The following SENP5 variants were observed in gnomAD, a reference collection of about 807,000 sequenced individuals.
The protein encoded by SENP5 is SUMO specific peptidase 5.
SENP5 carries 21 observed loss-of-function variants against 74.2 expected under a neutral mutation model. The observed-to-expected ratio is 0.28, with a 90% CI of 0.20 to 0.41. SENP5 has a LOEUF of 0.41. SENP5 is among the 10% of genes least tolerant of loss of function. SENP5 has a pLI of 1.00. For synonymous variants in SENP5, 311 were observed against 312.7 expected, an observed-to-expected ratio of 0.99 and a Z score of 0.06; for missense variants, 717 against 889.1, an observed-to-expected ratio of 0.81 and a Z score of 2.46.
At position 196,885,946 on chromosome 3, in the gene SENP5, C is replaced by G. The variant is rs1291138830; in HGVS notation, c.765C>G (p.Ser255Arg). 1.2e-6 allele frequency: 2 copies of G among 1,614,048 alleles called. No homozygotes were observed. The highest frequency in any genetic ancestry group is 2.2e-5 in the East Asian group (1 of 44,890). ...ILRSQHFRTKSKVCKLRKAQR... is the reference protein window; with the variant it reads ...ILRSQHFRTKRKVCKLRKAQR... ...GATCCCAGCACTTCAGAACCAAAAG[C>G]AAGGTTTGCAAGCTAAGAAAAGCCC... The change falls in exon 2 of 10, where the codon AGC (serine) becomes AGG (arginine). Residue 255 changes from serine (S) to arginine (R), a missense_variant. Ser to Arg is a moderately radical substitution (Grantham distance 110). This residue lies in a region of SENP5 where 567 missense variants were observed against 577.4 expected (regional missense o/e 0.98). Transcript: ENST00000323460.
At position 196,933,020 on chromosome 3, in the gene SENP5, G is replaced by GTTTTTTTTTTTTTTTTTT. The variant is rs71161976; in HGVS notation, c.*2112_*2113insTTTTTTTTTTTTTTTTTT. 1.7e-5 allele frequency: 2 copies of GTTTTTTTTTTTTTTTTTT among 121,132 alleles called. No individual in the cohort carries two copies. The highest frequency in any genetic ancestry group is 2.5e-4 in the South Asian group (1 of 4,056). The allele number at this position is 121,132 out of a possible 1,614,324, so 7.5% of individuals were successfully genotyped here. ...ACTAAATGTTGAGTTTGGGTTTTTT[G>GTTTTTTTTTTTTTTTTTT]TTTTTTTTTTTTTTTGAGTCAGAGT... is the stretch of plus-strand genomic sequence containing the variant. On this transcript the variant is annotated 3_prime_UTR_variant, in exon 10 of 10. Coordinates refer to ENST00000323460, the MANE Select transcript of SENP5 (RefSeq NM_152699.5).
intron 1 of SENP5, among the ~76,000 whole-genome samples, chr3:196,871,676 G>C (rs1258341647): frequency 1.3e-5 from 2 of 151,936 alleles, no homozygotes; most frequent in African/African-American, 4.8e-5. Flanking sequence ...CCAACATAAT[G>C]AGACCCCATC....
chr3:196,895,190 CTTT>C (rs35820067), intron 2 of SENP5, among the ~76,000 whole-genome samples: 86 of 123,046 alleles, frequency 7.0e-4, no homozygotes, highest in Non-Finnish European at 1.0e-3. Flanking sequence ...CTTTTAACTT[CTTT>C]TTTTTTTTTT....
chr3:196,881,442 C>T (rs2108812393), intron 1 of SENP5, among the ~76,000 whole-genome samples: 1 of 152,206 alleles, frequency 6.6e-6, no homozygotes, highest in South Asian at 2.1e-4. Flanking sequence ...TTGTAGTCCT[C>T]CTAACAAAGT....
intron 6 of SENP5, chr3:196,912,987 G>T (rs558714447): frequency 6.6e-6 from 1 of 152,294 alleles, no homozygotes; most frequent in Admixed American, 6.5e-5. Flanking sequence ...AAGGTGAGAA[G>T]CAAATTGTGT....
chr3:196,884,409 C>T (rs1713858315), intron 1 of SENP5, among the ~76,000 whole-genome samples: 1 of 152,330 alleles, frequency 6.6e-6, no homozygotes, highest in East Asian at 1.9e-4. Flanking sequence ...ACAATAACTT[C>T]CCCTCAGGAT....
rs149511045 is a variant in SENP5 at position 196,886,538 on chromosome 3, C to T, written c.1357C>T (p.Leu453Phe). 2,502 of 1,613,808 alleles carry T rather than the reference C, an allele frequency of 1.6e-3. 7 individuals are homozygous for T. Among genetic ancestry groups the T allele is most frequent in the Non-Finnish European group, 2.0e-3 (2,374 of 1,179,826 alleles). Residue 453 changes from leucine (L) to phenylalanine (F), a missense_variant, in exon 2 of 10, where the codon CTT (leucine) becomes TTT (phenylalanine). Transcript: ENST00000323460. The part of the protein sequence containing the change: ...EEDGSLKQSI[L>F]SSELLDHPYC... ...GGATGGATCTCTCAAGCAGAGCATT[C>T]TTAGTTCTGAGTTGCTGGACCACCC...
intron 1 of SENP5, among the ~76,000 whole-genome samples, chr3:196,875,934 AG>A (rs1169814220): frequency 6.6e-6 from 1 of 152,008 alleles, no homozygotes; most frequent in Non-Finnish European, 1.5e-5. Flanking sequence ...TTGCCCAGGC[AG>A]GTGATCTTGA....
intron 9 of SENP5, among the ~76,000 whole-genome samples, chr3:196,930,254 T>A (rs35019232): frequency 0.036 from 5,420 of 152,258 alleles, 134 homozygotes; most frequent in Non-Finnish European, 0.051. Context: ...TATAAACAAA[T>A]TCAAGTTCCC....
intron 8 of SENP5, among the ~76,000 whole-genome samples, chr3:196,928,679 A>G (rs1014456174): frequency 6.6e-6 from 1 of 152,138 alleles, no homozygotes; most frequent in East Asian, 1.9e-4. Context: ...CCCAAACCCA[A>G]AGAGACAAGA....
In SENP5 at chr3:196,879,249, G is replaced by GCTAACAACA. The variant is rs1188007765; in HGVS notation, c.-31-5902_-31-5901insCTAACAACA. 5.9e-5 allele frequency among the ~76,000 whole-genome samples: 9 copies of GCTAACAACA among 152,306 alleles called. No homozygotes were observed. The East Asian group carries it at 1.7e-3, about 29-fold the overall frequency. The stretch of plus-strand genomic sequence containing the variant: ...ATGGAGTATCTGGTTGAGAAGCACT[G>GCTAACAACA]GGTTAGATCAGTGTTTAGCTTATTA... On this transcript the variant is annotated intron_variant, in intron 1 of 9. Transcript: ENST00000323460.
chr3:196,885,576 G>A lies in SENP5; in HGVS notation c.395G>A (p.Arg132Lys). Residue 132 changes from arginine to lysine, a missense_variant, in exon 2 of 10, where the codon AGA becomes AAA. This residue lies in a region of SENP5 where 567 missense variants were observed against 577.4 expected (regional missense o/e 0.98). Transcript: ENST00000323460. ...AAGAATTCTGACCATGAATACTGCA[G>A]AGAGAAAAATCTCTTGAAGGCAGTT... ...SAKNSDHEYC[R>K]EKNLLKAVTD... 1.2e-6 allele frequency: 2 copies of A among 1,614,170 alleles called. No individual in the cohort carries two copies. The highest frequency in any genetic ancestry group is 1.7e-6 in the Non-Finnish European group (2 of 1,180,050).
chr3:196,886,487 A>C lies in SENP5; in HGVS notation c.1306A>C (p.Asn436His). ...GCCTGTGTCCCAAAAGGCTGTTCAA[A>C]ATGAGAACTCATACCAGATGGAGGA... ...DGPVSQKAVQ[N>H]ENSYQMEEDG... is the part of the protein sequence containing the mutation. Residue 436 changes from asparagine (N) to histidine (H), a missense_variant, in exon 2 of 10, where the codon AAT becomes CAT. Transcript: ENST00000323460. 6.2e-7 allele frequency: 1 copy of C among 1,611,460 alleles called. No individual in the cohort carries two copies. The highest frequency in any genetic ancestry group is 8.5e-7 in the Non-Finnish European group (1 of 1,178,880).
At chr3:196,900,219 T>G in intron 4 of SENP5, 146 bp from the exon 5 acceptor site, 2 of 1,036,200 alleles carry the variant, frequency 1.9e-6, no homozygotes, top group Non-Finnish European at 2.7e-6. Flanking sequence ...TGATTACTAT[T>G]GGCAGTAATA....
intron 2 of SENP5, among the ~76,000 whole-genome samples, chr3:196,895,116 T>C (rs1380240019): frequency 6.6e-6 from 1 of 152,134 alleles, no homozygotes; most frequent in Non-Finnish European, 1.5e-5. Flanking sequence ...CAGGGTGGAA[T>C]GTGACCCAGG....
chr3:196,897,898 G>A (rs571588701), intron 2 of SENP5, among the ~76,000 whole-genome samples: 2 of 152,082 alleles, frequency 1.3e-5, no homozygotes, highest in African/African-American at 4.8e-5. Flanking sequence ...GTGGCCAGGC[G>A]CGGTGGCTCA....
At chr3:196,903,781 T>A (rs1348478460) in intron 6 of SENP5, among the ~76,000 whole-genome samples, 171 bp downstream of exon 6, 1 of 152,276 alleles carries the variant, frequency 6.6e-6, no homozygotes, top group East Asian at 1.9e-4. Context: ...AAGACCTTAA[T>A]TGCCTACTGG....
intron 4 of SENP5, 107 bp from the exon 5 acceptor site, chr3:196,900,258 C>T: frequency 8.6e-7 from 1 of 1,161,122 alleles, no homozygotes; most frequent in South Asian, 1.6e-5. Context: ...TTGGGATGTA[C>T]TGAATTGTAT....
intron 2 of SENP5, among the ~76,000 whole-genome samples, chr3:196,897,476 T>C (rs1204079384): frequency 6.6e-6 from 1 of 152,222 alleles, no homozygotes; most frequent in African/African-American, 2.4e-5. Flanking sequence ...CTCTTTTCTG[T>C]TTACTGTACC....
Sources: allele counts gnomAD v4.1 joint callset (sites outside exome capture counted in the v4.1 genomes callset), GRCh38; gene constraint gnomAD v4.1.1; regional missense constraint gnomAD v4.1.1; transcripts MANE v1.5; gene names NCBI Gene and HGNC (gene_info 2026-07-23, HGNC 2026-07-21).